The following CHSY1 variants were observed in gnomAD, a reference collection of about 807,000 sequenced individuals.
The protein encoded by CHSY1 is chondroitin sulfate synthase 1.
Under a neutral mutation model 59.8 loss-of-function variants are expected in CHSY1, and 13 were observed. That is an observed-to-expected ratio of 0.22 (90% CI 0.14 to 0.35). CHSY1 has a LOEUF of 0.35. Among genes scored for constraint, CHSY1 ranks in the 10% least tolerant of loss-of-function variants. The pLI, the probability that CHSY1 is intolerant of heterozygous loss-of-function variation, is 1.00. For missense variants in CHSY1, 947 were observed against 1,030.6 expected (o/e 0.92, Z 1.11); for synonymous variants, 459 against 401.2 (o/e 1.14, Z -1.72).
chr15:101,177,868 T>C lies in CHSY1; in HGVS notation c.1929A>G (p.Arg643=). 6.2e-7 allele frequency: 1 copy of C among 1,614,202 alleles called. No homozygotes were observed. The highest frequency in any genetic ancestry group is 8.5e-7 in the Non-Finnish European group (1 of 1,180,028). The change falls in exon 3 of 3, where the codon CGA becomes CGG. Residue 643 remains arginine (R), a synonymous_variant. Transcript: ENST00000254190. ...DLVFTTEFLQ[R]CRANTVLGQQ... ...GGCCCAGAACTGTATTTGCTCGACA[T>C]CGCTGAAGGAATTCTGTAGTAAACA...
intron 2 of CHSY1, among the ~76,000 whole-genome samples, chr15:101,179,631 T>TC (rs1488661078): frequency 1.3e-5 from 2 of 152,140 alleles, no homozygotes; most frequent in Non-Finnish European, 2.9e-5. Flanking sequence ...AAGGTACCCC[T>TC]CTCCCAGGTC....
intron 2 of CHSY1, among the ~76,000 whole-genome samples, chr15:101,220,138 A>T (rs2038774294): frequency 6.6e-6 from 1 of 152,218 alleles, no homozygotes; most frequent in Non-Finnish European, 1.5e-5. Context: ...TAATGTAATA[A>T]GTACCCAAAC....
chr15:101,235,473 G>A lies in CHSY1; in HGVS notation c.425C>T (p.Ser142Phe). The change falls in exon 2 of 3, where the codon TCC becomes TTC. Residue 142 changes from serine (S) to phenylalanine (F), a missense_variant. Around this residue, in one of 4 missense-constraint regions of CHSY1, gnomAD observed 108 missense variants for 144.4 expected, o/e 0.75. Transcript: ENST00000254190. ...PVVPLRGVDD[S>F]YPPQKKSFMM... The stretch of plus-strand genomic sequence containing the variant: ...GAAGGACTTCTTCTGGGGCGGGTAG[G>A]AGTCGTCCACACCCCGTAGTGGCAC... 2 of 1,614,176 alleles carry A rather than the reference G, an allele frequency of 1.2e-6. No homozygotes were observed. The highest frequency in any genetic ancestry group is 1.1e-5 in the South Asian group (1 of 91,084).
At chr15:101,216,556 G>A (rs1312188958) in intron 2 of CHSY1, among the ~76,000 whole-genome samples, 1 of 152,212 alleles carries the variant, frequency 6.6e-6, no homozygotes, top group Admixed American at 6.5e-5. Context: ...AAAGAGAAGT[G>A]AGCCATCAAG....
intron 2 of CHSY1, among the ~76,000 whole-genome samples, chr15:101,211,622 C>A (rs1019483349): frequency 5.3e-5 from 8 of 151,992 alleles, no homozygotes; most frequent in African/African-American, 1.9e-4. Flanking sequence ...CAGTGAATCA[C>A]AGCTGAATAA....
At chr15:101,246,036 G>A (rs1023974175) in intron 1 of CHSY1, among the ~76,000 whole-genome samples, 1 of 152,308 alleles carries the variant, frequency 6.6e-6, no homozygotes, top group South Asian at 2.1e-4. Flanking sequence ...GGAACAGTCC[G>A]TCTTCATTTA....
At chr15:101,213,247 C>T (rs1466926224) in intron 2 of CHSY1, among the ~76,000 whole-genome samples, 1 of 150,276 alleles carries the variant, frequency 6.7e-6, no homozygotes, top group Non-Finnish European at 1.5e-5. Flanking sequence ...CAACTATATC[C>T]TAAAAGGAGG....
chr15:101,242,170 A>G (rs2039009653), intron 1 of CHSY1, among the ~76,000 whole-genome samples: 1 of 133,614 alleles, frequency 7.5e-6, no homozygotes, highest in Admixed American at 7.0e-5. Flanking sequence ...GGGATTTAAG[A>G]CAACTTAACC....
intron 1 of CHSY1, among the ~76,000 whole-genome samples, chr15:101,238,936 C>T (rs114852230): frequency 1.2e-3 from 185 of 152,164 alleles, no homozygotes; most frequent in African/African-American, 4.3e-3. Context: ...TTTGCAAATG[C>T]GACAATGTGT....
chr15:101,218,690 A>C (rs531777502), intron 2 of CHSY1, among the ~76,000 whole-genome samples: 50 of 152,210 alleles, frequency 3.3e-4, no homozygotes, highest in Non-Finnish European at 5.1e-4. Flanking sequence ...GTTTGAGCCC[A>C]AGAGTTTGAG....
Position 101,176,086 on chromosome 15 carries a change from GA to G in CHSY1, c.*1301del, listed in dbSNP as rs1381296778. On this transcript the variant is annotated 3_prime_UTR_variant, in exon 3 of 3. Coordinates refer to ENST00000254190, the MANE Select transcript of CHSY1 (RefSeq NM_014918.5). ...AACAGTAAGGAATATAAAAATTAAGGAGGGGAAAAAGCGTTTCCAAAAGGAA... is the reference window on the plus strand; with the variant it reads ...AACAGTAAGGAATATAAAAATTAAGGGGGGAAAAAGCGTTTCCAAAAGGAA... 7.6e-6 allele frequency: 3 copies of G among 395,554 alleles called. No individual in the cohort carries two copies. Among genetic ancestry groups the G allele is most frequent in the Non-Finnish European group, 1.3e-5 (3 of 224,780 alleles). 24.5% of individuals were successfully genotyped at this position (395,554 alleles called of 1,614,324 possible).
intron 2 of CHSY1, among the ~76,000 whole-genome samples, chr15:101,222,965 T>C (rs1234480240): frequency 6.6e-6 from 1 of 152,174 alleles, no homozygotes; most frequent in Non-Finnish European, 1.5e-5. Flanking sequence ...AAAATGAGCA[T>C]AAAAACCACC....
At chr15:101,223,293 C>A (rs2038808910) in intron 2 of CHSY1, among the ~76,000 whole-genome samples, 2 of 152,222 alleles carry the variant, frequency 1.3e-5, no homozygotes, top group Admixed American at 1.3e-4. Context: ...GCCCGGCCAA[C>A]TACTTTGTTT....
At position 101,177,923 on chromosome 15, in the gene CHSY1, GATTC is replaced by G. The variant is rs1482388071; in HGVS notation, c.1870_1873del (p.Glu624LeufsTer108). On this transcript the variant is annotated frameshift_variant, in exon 3 of 3. Transcript: ENST00000254190. LOFTEE classifies it high-confidence loss of function. ...GTCGACGTCGCAGAAGAAGAGCAAAGATTCATTGTTAAACTGGGAGGATCCTACT... is the reference window on the plus strand; with the variant it reads ...GTCGACGTCGCAGAAGAAGAGCAAAGATTGTTAAACTGGGAGGATCCTACT... 6.2e-7 allele frequency: 1 copy of G among 1,614,198 alleles called. No individual in the cohort carries two copies. The highest frequency in any genetic ancestry group is 8.5e-7 in the Non-Finnish European group (1 of 1,180,028).
chr15:101,203,027 A>G (rs768383173), intron 2 of CHSY1, among the ~76,000 whole-genome samples: 1 of 152,212 alleles, frequency 6.6e-6, no homozygotes, highest in Non-Finnish European at 1.5e-5. Flanking sequence ...TTAGCATATA[A>G]AAATAAAAAT....
At chr15:101,231,847 T>C (rs929870442) in intron 2 of CHSY1, among the ~76,000 whole-genome samples, 1 of 152,248 alleles carries the variant, frequency 6.6e-6, no homozygotes, top group Admixed American at 6.5e-5. Flanking sequence ...TTCAAAATTT[T>C]CAATAATAAT....
intron 2 of CHSY1, among the ~76,000 whole-genome samples, chr15:101,226,755 G>A (rs534227311): frequency 6.6e-6 from 1 of 152,306 alleles, no homozygotes; most frequent in South Asian, 2.1e-4. Context: ...TGCTACAGAT[G>A]TCCAAAATTT....
intron 2 of CHSY1, among the ~76,000 whole-genome samples, chr15:101,220,413 T>C (rs1402729008): frequency 1.3e-5 from 2 of 152,154 alleles, no homozygotes; most frequent in Admixed American, 1.3e-4. Flanking sequence ...AGGAACCCTA[T>C]CCCTGTGAGT....
At chr15:101,245,941 A>G (rs901961310) in intron 1 of CHSY1, among the ~76,000 whole-genome samples, 5 of 152,256 alleles carry the variant, frequency 3.3e-5, no homozygotes, top group Non-Finnish European at 7.3e-5. Flanking sequence ...GAACTGTTTC[A>G]AGATAAACAT....
Sources: gnomAD v4.1 joint callset for allele counts (sites outside exome capture counted in the v4.1 genomes callset) on GRCh38, gnomAD v4.1.1 for gene constraint, gnomAD v4.1.1 regional missense constraint, MANE v1.5 for transcripts, NCBI Gene and HGNC (gene_info 2026-07-23, HGNC 2026-07-21) for gene names.